Variants in PCSK6 observed in about 807,000 individuals in gnomAD.
The protein encoded by PCSK6 is paired basic amino acid cleaving enzyme 4.
Under a neutral mutation model 123.3 loss-of-function variants are expected in PCSK6, and 85 were observed. The observed-to-expected ratio is 0.69, with a 90% confidence interval of 0.58 to 0.83. The LOEUF (loss-of-function observed/expected upper bound fraction) is 0.83, where lower values mean the gene tolerates loss of function less well. Ranked by LOEUF, PCSK6 falls within the 40% of genes least tolerant of loss-of-function variation. PCSK6 has a pLI of 0.00. For missense variants in PCSK6, 1,191 were observed against 1,282.3 expected (o/e 0.93, Z 1.09); for synonymous variants, 508 against 516.0 (o/e 0.98, Z 0.21).
chr15:101,439,258 G>C (rs1186909435), intron 2 of PCSK6, among the ~76,000 whole-genome samples: 1 of 152,272 alleles, frequency 6.6e-6, no homozygotes, highest in Admixed American at 6.5e-5. Flanking sequence ...TAGGGTCAGA[G>C]ACAGTGAGCT....
intron 18 of PCSK6, 135 bp downstream of exon 18, chr15:101,322,385 G>A (rs143406405): frequency 2.4e-5 from 15 of 634,820 alleles, no homozygotes; most frequent in East Asian, 8.3e-5. Flanking sequence ...TCCAGGACTC[G>A]GAATCTTTAC....
chr15:101,394,166 G>T (rs1410888612), intron 7 of PCSK6, among the ~76,000 whole-genome samples: 1 of 149,358 alleles, frequency 6.7e-6, no homozygotes, highest in Non-Finnish European at 1.5e-5. Flanking sequence ...TTGAGACAGG[G>T]GTCTTGCTAC....
At chr15:101,403,319 C>T (rs552284866) in intron 6 of PCSK6, among the ~76,000 whole-genome samples, 4,845 of 148,114 alleles carry the variant, frequency 0.033, 124 homozygotes, top group Non-Finnish European at 0.048. Context: ...ATACCTAATG[C>T]TAAATGACCA....
At chr15:101,356,314 C>T (rs1430365421) in intron 13 of PCSK6, among the ~76,000 whole-genome samples, 25 of 152,056 alleles carry the variant, frequency 1.6e-4, no homozygotes. Flanking sequence ...ACACTGTGCA[C>T]TGCAGGGGCA....
At chr15:101,397,946 T>C (rs1362402526) in intron 7 of PCSK6, among the ~76,000 whole-genome samples, 1 of 152,238 alleles carries the variant, frequency 6.6e-6, no homozygotes, top group Admixed American at 6.5e-5. Flanking sequence ...CCCCGACCAC[T>C]GCTTCCTGCT....
At chr15:101,462,820 G>C (rs2057368642) in intron 1 of PCSK6, among the ~76,000 whole-genome samples, 1 of 152,214 alleles carries the variant, frequency 6.6e-6, no homozygotes, top group Non-Finnish European at 1.5e-5. Context: ...GTCTGAGAGT[G>C]GGTTGGATAT....
intron 1 of PCSK6, among the ~76,000 whole-genome samples, chr15:101,444,549 T>C (rs1293463530): frequency 2.0e-5 from 3 of 152,218 alleles, no homozygotes. Context: ...TTAAGACTAA[T>C]GGTCCTCTAC....
intron 2 of PCSK6, among the ~76,000 whole-genome samples, chr15:101,439,946 G>A (rs1261506963): frequency 1.3e-5 from 2 of 152,086 alleles, no homozygotes; most frequent in Admixed American, 6.6e-5. Flanking sequence ...GATCTGTAGG[G>A]AAGGAAAAGA....
At chr15:101,352,142 T>TTTC (rs2141413023) in intron 13 of PCSK6, among the ~76,000 whole-genome samples, 3 of 135,622 alleles carry the variant, frequency 2.2e-5, no homozygotes, top group East Asian at 4.1e-4. Context: ...TTCTAATTTT[T>TTTC]TTTTTTTTTT....
At chr15:101,362,896 C>A (rs745618610) in intron 13 of PCSK6, among the ~76,000 whole-genome samples, 2 of 152,298 alleles carry the variant, frequency 1.3e-5, no homozygotes, top group South Asian at 4.1e-4. Flanking sequence ...GAACCATAGA[C>A]CCTGGCTTTA....
chr15:101,341,254 T>G (rs1474055172), intron 13 of PCSK6, among the ~76,000 whole-genome samples: 1 of 148,136 alleles, frequency 6.8e-6, no homozygotes, highest in Non-Finnish European at 1.5e-5. Flanking sequence ...TGGGGTTTTT[T>G]TTTTTTTTTT....
intron 7 of PCSK6, among the ~76,000 whole-genome samples, chr15:101,394,162 C>T (rs2042329842): frequency 7.8e-6 from 1 of 128,908 alleles, no homozygotes; most frequent in South Asian, 2.5e-4. Context: ...TTTTTTGAGA[C>T]AGGGGTCTTG....
intron 6 of PCSK6, among the ~76,000 whole-genome samples, chr15:101,412,064 C>T (rs1363329980): frequency 6.6e-6 from 1 of 152,162 alleles, no homozygotes; most frequent in Non-Finnish European, 1.5e-5. Flanking sequence ...ACCACTGCCC[C>T]TTCTCAGCAC....
At chr15:101,420,170 G>A (rs1175862033) in intron 6 of PCSK6, among the ~76,000 whole-genome samples, 6 of 137,352 alleles carry the variant, frequency 4.4e-5, no homozygotes, top group Admixed American at 1.5e-4. Flanking sequence ...CAGCCTGGGT[G>A]ACAGAGTGAG....
chr15:101,451,993 C>A (rs1477079181), intron 1 of PCSK6, among the ~76,000 whole-genome samples: 1 of 152,168 alleles, frequency 6.6e-6, no homozygotes, highest in Non-Finnish European at 1.5e-5. Flanking sequence ...TTTCTTAAAG[C>A]ATTTTTTAAA....
intron 17 of PCSK6, 48 bp from the exon 18 acceptor site, chr15:101,322,655 G>A: frequency 8.0e-7 from 1 of 1,243,210 alleles, no homozygotes; most frequent in Non-Finnish European, 1.2e-6. Context: ...GACACTGACA[G>A]GAATGAAATC....
At chr15:101,456,083 G>A (rs1237707625) in intron 1 of PCSK6, among the ~76,000 whole-genome samples, 1 of 152,172 alleles carries the variant, frequency 6.6e-6, no homozygotes, top group Non-Finnish European at 1.5e-5. Context: ...GTGGCTTATG[G>A]AATATTTGCC....
At chr15:101,379,704 A>C (rs545829686) in intron 11 of PCSK6, among the ~76,000 whole-genome samples, 1 of 152,326 alleles carries the variant, frequency 6.6e-6, no homozygotes, top group East Asian at 1.9e-4. Context: ...AGTTAGAAGA[A>C]GACGGGAAAA....
At chr15:101,455,277 G>A (rs905131051) in intron 1 of PCSK6, among the ~76,000 whole-genome samples, 8 of 152,224 alleles carry the variant, frequency 5.3e-5, no homozygotes, top group Non-Finnish European at 4.4e-5. Flanking sequence ...GGCCTGAGAG[G>A]GAGAAGGCAT....
Sources: gnomAD v4.1 joint callset for allele counts (sites outside exome capture counted in the v4.1 genomes callset) on GRCh38, gnomAD v4.1.1 for gene constraint, MANE v1.5 for transcripts, NCBI Gene and HGNC (gene_info 2026-07-23, HGNC 2026-07-21) for gene names.